Variants in GRM5 observed in about 807,000 individuals in gnomAD.
The protein encoded by GRM5 is metabotropic glutamate receptor 5.
In GRM5, 19 loss-of-function variants were observed where a neutral mutation model predicts 83.1. The ratio of observed to expected loss-of-function variants is 0.23; its 90% CI spans 0.16 to 0.34. GRM5 has a LOEUF of 0.34. GRM5 is among the 10% of genes least tolerant of loss of function. The pLI is 1.00. For synonymous variants in GRM5, 675 were observed against 633.6 expected, an observed-to-expected ratio of 1.07 and a Z score of -0.98; for missense variants, 1,160 against 1,588.3, an observed-to-expected ratio of 0.73 and a Z score of 4.58.
chr11:88,618,741 T>A (rs1453947042), intron 4 of GRM5, among the ~76,000 whole-genome samples: 3 of 152,210 alleles, frequency 2.0e-5, no homozygotes, highest in Non-Finnish European at 2.9e-5. Context: ...TTATTCAAAG[T>A]TCTTTTCTTA....
chr11:88,654,472 T>G lies in GRM5; in HGVS notation c.912-1069A>C, dbSNP rs189179249. Reference sequence around the variant, plus strand: ...TGGTACTGTCTTTCCCTGGAAGAAGTGCAAGTGCTTGTAAAGGAAGTATGG... The same window carrying G: ...TGGTACTGTCTTTCCCTGGAAGAAGGGCAAGTGCTTGTAAAGGAAGTATGG... On this transcript the variant is annotated intron_variant, in intron 3 of 9. Transcript: ENST00000305447. Among the ~76,000 whole-genome samples, 6 of 152,144 alleles carry G rather than the reference T, an allele frequency of 3.9e-5. No homozygotes were observed. In the East Asian group the frequency reaches 1.2e-3, roughly 29 times the overall value.
chr11:88,754,726 A>G (rs1221913425), intron 3 of GRM5, among the ~76,000 whole-genome samples: 1 of 152,158 alleles, frequency 6.6e-6, no homozygotes, highest in Non-Finnish European at 1.5e-5. Flanking sequence ...GTTCATACAT[A>G]TTAACTATCA....
intron 1 of GRM5, among the ~76,000 whole-genome samples, chr11:89,063,317 G>A (rs954709043): frequency 3.3e-5 from 5 of 152,132 alleles, no homozygotes; most frequent in Non-Finnish European, 7.4e-5. Flanking sequence ...AATTAAGGCT[G>A]TTCGCAAATG....
Position 88,509,006 on chromosome 11 carries a change from G to T in GRM5, c.3225C>A (p.Leu1075=). The change falls in exon 10 of 10, where the codon CTC becomes CTA. Residue 1075 remains leucine, a synonymous_variant. Coordinates refer to ENST00000305447, the MANE Select transcript of GRM5 (RefSeq NM_001143831.3). ...VTRFTANISE[L]NSMMLSTAAP... ...CCGCGGTGGACAGCATCATGGAGTT[G>T]AGCTCGCTGATGTTGGCCGTGAAGC... is the stretch of plus-strand genomic sequence containing the variant. 1 of 1,575,946 alleles carries T rather than the reference G, an allele frequency of 6.3e-7. No individual in the cohort carries two copies. The highest frequency in any genetic ancestry group is 2.3e-5 in the East Asian group (1 of 43,284).
At chr11:88,597,462 T>C (rs959309253) in intron 5 of GRM5, 110 bp from the exon 6 acceptor site, 15 of 604,044 alleles carry the variant, frequency 2.5e-5, no homozygotes, top group Admixed American at 6.9e-5. Flanking sequence ...TAAGTAGCAC[T>C]GGAATTTTCC....
intron 3 of GRM5, among the ~76,000 whole-genome samples, chr11:88,763,658 T>TTA (rs1942572938): frequency 6.6e-6 from 1 of 151,782 alleles, no homozygotes; most frequent in South Asian, 2.1e-4. Context: ...TTATTAAAGT[T>TTA]ATTAAAGTTA....
chr11:88,586,614 G>A (rs924065667), intron 7 of GRM5, among the ~76,000 whole-genome samples: 22 of 152,198 alleles, frequency 1.4e-4, no homozygotes, highest in Non-Finnish European at 2.9e-4. Context: ...TGGAATAGCT[G>A]AAGCCATCAG....
At chr11:88,841,498 TA>T (rs1229022062) in intron 3 of GRM5, among the ~76,000 whole-genome samples, 2 of 152,188 alleles carry the variant, frequency 1.3e-5, no homozygotes, top group Non-Finnish European at 2.9e-5. Context: ...TACACCTACA[TA>T]AAAGCTGCAT....
chr11:88,969,548 C>A (rs1439824791), intron 2 of GRM5, among the ~76,000 whole-genome samples: 1 of 151,964 alleles, frequency 6.6e-6, no homozygotes, highest in African/African-American at 2.4e-5. Context: ...TAGAGTATAG[C>A]AAATGAGCTG....
intron 3 of GRM5, among the ~76,000 whole-genome samples, chr11:88,733,693 C>A (rs1475788422): frequency 6.6e-6 from 1 of 152,006 alleles, no homozygotes; most frequent in Non-Finnish European, 1.5e-5. Context: ...TGAGAGTTGA[C>A]CCACAGGTCT....
Position 88,726,721 on chromosome 11 carries a change from A to T in GRM5, c.912-73318T>A, listed in dbSNP as rs569310361. On this transcript the variant is annotated intron_variant, in intron 3 of 9. Transcript: ENST00000305447. ...CAGAAACTCTACAAGTCAGAAGATC[A>T]TGGGGGCCAATATTCAACATTCTTA... is the stretch of plus-strand genomic sequence containing the variant. Among the ~76,000 whole-genome samples, 7 of 152,284 alleles carry T rather than the reference A, an allele frequency of 4.6e-5. No individual in the cohort carries two copies. In the South Asian group the frequency reaches 1.4e-3, roughly 32 times the overall value.
intron 2 of GRM5, among the ~76,000 whole-genome samples, chr11:88,886,905 C>T (rs1288731138): frequency 6.6e-6 from 1 of 152,110 alleles, no homozygotes; most frequent in African/African-American, 2.4e-5. Context: ...TTGTGATTTT[C>T]GAGGAACAGA....
At chr11:89,054,341 G>C (rs1035905592) in intron 1 of GRM5, among the ~76,000 whole-genome samples, 1 of 152,162 alleles carries the variant, frequency 6.6e-6, no homozygotes, top group Non-Finnish European at 1.5e-5. Flanking sequence ...ACACAAAAAG[G>C]ATAGAGTCGC....
At chr11:89,017,112 C>T (rs10501697) in intron 2 of GRM5, among the ~76,000 whole-genome samples, 5,266 of 152,084 alleles carry the variant, frequency 0.035, 153 homozygotes, top group East Asian at 0.1. Context: ...ATTCTGTCAC[C>T]ATAGAATAAA....
At chr11:88,891,469 T>G (rs1373385330) in intron 2 of GRM5, among the ~76,000 whole-genome samples, 1 of 151,950 alleles carries the variant, frequency 6.6e-6, no homozygotes, top group Non-Finnish European at 1.5e-5. Flanking sequence ...CCTGAAACAT[T>G]CAGAAAATAG....
chr11:88,785,617 C>T (rs552341354), intron 3 of GRM5, among the ~76,000 whole-genome samples: 1 of 152,100 alleles, frequency 6.6e-6, no homozygotes, highest in East Asian at 1.9e-4. Context: ...TCCTCGGAGA[C>T]ACAACATCAT....
chr11:89,037,960 A>G (rs1941432854), intron 2 of GRM5, among the ~76,000 whole-genome samples: 1 of 152,130 alleles, frequency 6.6e-6, no homozygotes, highest in South Asian at 2.1e-4. Flanking sequence ...CTAAGGTGAA[A>G]TTTACAAAAT....
chr11:88,617,788 G>A (rs545144296), intron 4 of GRM5, among the ~76,000 whole-genome samples: 1 of 152,238 alleles, frequency 6.6e-6, no homozygotes, highest in African/African-American at 2.4e-5. Flanking sequence ...TGGTTCCCAT[G>A]GCAGGGTGAT....
At chr11:88,761,032 A>G (rs1478661410) in intron 3 of GRM5, among the ~76,000 whole-genome samples, 4 of 152,082 alleles carry the variant, frequency 2.6e-5, no homozygotes, top group African/African-American at 9.7e-5. Flanking sequence ...CCCTTAATAA[A>G]CTAGTTATTG....
Sources: gnomAD v4.1 joint callset for allele counts (sites outside exome capture counted in the v4.1 genomes callset) on GRCh38, gnomAD v4.1.1 for gene constraint, MANE v1.5 for transcripts, NCBI Gene and HGNC (gene_info 2026-07-23, HGNC 2026-07-21) for gene names.